The following PPCS variants were observed in gnomAD, a reference collection of about 807,000 sequenced individuals.
The protein encoded by PPCS is phosphopantothenoylcysteine synthetase.
A neutral mutation model predicts 24.6 loss-of-function variants in PPCS; 17 were observed. The observed-to-expected ratio is 0.69, with a 90% CI of 0.47 to 1.04. The LOEUF is 1.04. PPCS is among the 50% of genes least tolerant of loss of function. The pLI is 0.00. For synonymous variants in PPCS, 190 were observed against 168.3 expected (o/e 1.13, Z -1.00); for missense variants, 360 against 402.8 (o/e 0.89, Z 0.91).
chr1:42,456,404 A>G, upstream of PPCS: 1 of 815,456 alleles, frequency 1.2e-6, no homozygotes. Flanking sequence ...TCTGGGGCAG[A>G]ACAACTACGC....
At chr1:42,470,168 T>C (rs1003402874) in intron 2 of PPCS, among the ~76,000 whole-genome samples, 2 of 152,140 alleles carry the variant, frequency 1.3e-5, no homozygotes, top group Admixed American at 1.3e-4. Flanking sequence ...GGCAAACAAG[T>C]GAAGCCAAAG....
At chr1:42,457,379 A>G in intron 2 of PPCS, 29 bp downstream of exon 2, 1 of 1,575,360 alleles carries the variant, frequency 6.3e-7, no homozygotes, top group Non-Finnish European at 8.7e-7. Flanking sequence ...CCAGAGATCT[A>G]ATCCCATATA....
At chr1:42,471,946 TG>T (rs762215568) in intron 2 of PPCS, among the ~76,000 whole-genome samples, 35 of 152,340 alleles carry the variant, frequency 2.3e-4, no homozygotes, top group Non-Finnish European at 4.9e-4. Flanking sequence ...CAATTATGTC[TG>T]TCACTGCAAT....
At chr1:42,458,849 T>G (rs902497116) in intron 2 of PPCS, among the ~76,000 whole-genome samples, 2 of 152,226 alleles carry the variant, frequency 1.3e-5, no homozygotes, top group Non-Finnish European at 2.9e-5. Flanking sequence ...CACTGCTAAG[T>G]TGTGTTACAT....
At chr1:42,470,648 C>T (rs766058118) in intron 2 of PPCS, among the ~76,000 whole-genome samples, 33 of 152,200 alleles carry the variant, frequency 2.2e-4, no homozygotes, top group Non-Finnish European at 3.7e-4. Context: ...TTATGATTAG[C>T]GATACAACAT....
chr1:42,456,734 C>T lies in PPCS; in HGVS notation c.169C>T (p.Leu57=), dbSNP rs1643203751. Residue 57 remains leucine (L), a synonymous_variant, in exon 1 of 3, where the codon CTG becomes TTG. Transcript: ENST00000372561. The part of the protein sequence containing the change: ...VPLEARPVRF[L]DNFSSGRRGA... ...ACTGGAAGCGCGGCCGGTGCGCTTC[C>T]TGGACAACTTCAGCAGCGGGCGGCG... 6.2e-7 allele frequency: 1 copy of T among 1,610,642 alleles called. No individual in the cohort carries two copies. The highest frequency in any genetic ancestry group is 8.5e-7 in the Non-Finnish European group (1 of 1,179,416).
Position 42,473,143 on chromosome 1 carries a change from ATACT to A in PPCS, n.401_404del, listed in dbSNP as rs912203499. On this transcript the variant is annotated non_coding_transcript_exon_variant, in exon 3 of 3. Transcript: ENST00000471420. ...CAAGGGAAAAGTTCAGTTAGAAGAC[ATACT>A]TCACCATCTTGAAAAAGAAGAAATC... The A allele has an allele frequency of 2.4e-5, 30 of 1,229,652 alleles. No individual in the cohort carries two copies. The African/African-American group carries it at 4.3e-4, about 18-fold the overall frequency. The allele number at this position is 1,229,652 out of a possible 1,614,324, so 76.2% of individuals were successfully genotyped here.
intron 2 of PPCS, among the ~76,000 whole-genome samples, chr1:42,466,815 G>A (rs1643603791): frequency 6.6e-6 from 1 of 152,150 alleles, no homozygotes; most frequent in African/African-American, 2.4e-5. Context: ...GCCTCCCAAA[G>A]TGCTGGGATT....
At position 42,460,446 on chromosome 1, in the gene PPCS, T is replaced by C. The variant is rs925308127; in HGVS notation, c.*520T>C. On this transcript the variant is annotated 3_prime_UTR_variant, in exon 3 of 3. Coordinates refer to ENST00000372561, the MANE Select transcript of PPCS (RefSeq NM_024664.4). ...TGTTTTGTTTGAAATTTATCAAATA[T>C]AGTAGTAGGAAAGAAGGATACCTCC... The C allele has an allele frequency of 4.2e-5, 39 of 924,336 alleles. No individual in the cohort carries two copies. The Admixed American group carries it at 1.2e-3, about 28-fold the overall frequency. 57.3% of individuals were successfully genotyped at this position (924,336 alleles called of 1,614,324 possible). A position where few individuals can be genotyped will look rare whatever the true frequency, so the allele number is the denominator to read the frequency against.
intron 2 of PPCS, chr1:42,457,586 C>T (rs1326640124): frequency 1.3e-5 from 7 of 546,498 alleles, no homozygotes; most frequent in Non-Finnish European, 3.3e-6. Context: ...AAAGTGCAGT[C>T]AGATCATGGG....
At position 42,460,861 on chromosome 1, in the gene PPCS, G is replaced by A. The variant is rs1055292746; in HGVS notation, c.*935G>A. ...AGCATCAGTCTGGTGCCTAGCATTT[G>A]ATTCACACTCACTAAATGGTTGCAA... On this transcript the variant is annotated 3_prime_UTR_variant, in exon 3 of 3. Coordinates refer to ENST00000372561, the MANE Select transcript of PPCS (RefSeq NM_024664.4). Among the ~76,000 whole-genome samples the A allele has an allele frequency of 1.3e-5, 2 of 152,244 alleles. No individual in the cohort carries two copies. The highest frequency in any genetic ancestry group is 2.9e-5 in the Non-Finnish European group (2 of 68,048).
chr1:42,471,777 T>G (rs1643777843), intron 2 of PPCS, among the ~76,000 whole-genome samples: 1 of 152,204 alleles, frequency 6.6e-6, no homozygotes, highest in Non-Finnish European at 1.5e-5. Flanking sequence ...TCAGTATGAG[T>G]ATCAGCTGAT....
Position 42,456,728 on chromosome 1 carries a change from C to G in PPCS, c.163C>G (p.Arg55Gly). The change falls in exon 1 of 3, where the codon CGC (arginine) becomes GGC (glycine). Residue 55 changes from arginine to glycine, a missense_variant. This residue lies in a region of PPCS where 244 missense variants were observed against 234.7 expected (regional missense o/e 1.04). Coordinates refer to ENST00000372561, the MANE Select transcript of PPCS (RefSeq NM_024664.4). The stretch of plus-strand genomic sequence containing the variant: ...GGTCCCACTGGAAGCGCGGCCGGTG[C>G]GCTTCCTGGACAACTTCAGCAGCGG... ...TKVPLEARPV[R>G]FLDNFSSGRR... 6.2e-7 allele frequency: 1 copy of G among 1,609,474 alleles called. No homozygotes were observed.
chr1:42,470,549 G>GA (rs1643736000), intron 2 of PPCS, among the ~76,000 whole-genome samples: 1 of 152,178 alleles, frequency 6.6e-6, no homozygotes, highest in Non-Finnish European at 1.5e-5. Flanking sequence ...TTGAAAGGTG[G>GA]AAACAACTCC....
At chr1:42,471,203 G>A (rs764946849) in intron 2 of PPCS, among the ~76,000 whole-genome samples, 6 of 152,026 alleles carry the variant, frequency 3.9e-5, no homozygotes, top group East Asian at 3.9e-4. Context: ...AGCCTGTACC[G>A]TCCTACTGAT....
intron 2 of PPCS, among the ~76,000 whole-genome samples, chr1:42,468,460 T>G (rs887502688): frequency 6.6e-6 from 1 of 152,250 alleles, no homozygotes; most frequent in Non-Finnish European, 1.5e-5. Context: ...TAATTCCATT[T>G]ACACCCATTG....
downstream of PPCS, chr1:42,463,325 A>T (rs1051832233): frequency 6.6e-6 from 1 of 152,252 alleles, no homozygotes; most frequent in African/African-American, 2.4e-5. Context: ...TGCAGCTAGC[A>T]GCTGAGCGCG....
rs757247992 is a variant in PPCS at position 42,460,993 on chromosome 1, C to T, written c.*1067C>T. 3.9e-5 allele frequency among the ~76,000 whole-genome samples: 6 copies of T among 152,272 alleles called. No individual in the cohort carries two copies. Among genetic ancestry groups the T allele is most frequent in the East Asian group, 1.9e-4 (1 of 5,180 alleles). On this transcript the variant is annotated 3_prime_UTR_variant, in exon 3 of 3. Transcript: ENST00000372561. ...TTTCAATACTTCTCTTGCTGTCCTA[C>T]GTTTTGGGTTTGGAGTGCACAAGTA...
chr1:42,457,268 T>G lies in PPCS; in HGVS notation c.530T>G (p.Leu177Arg). Reference protein sequence around the residue: ...NPLGPSAMFYLAAAVSDFYVP... With the variant: ...NPLGPSAMFYRAAAVSDFYVP... ...GCAGGCCCTTCTGCGATGTTTTACCTGGCTGCGGCTGTGTCAGATTTCTAT... is the reference window on the plus strand; with the variant it reads ...GCAGGCCCTTCTGCGATGTTTTACCGGGCTGCGGCTGTGTCAGATTTCTAT... Residue 177 changes from leucine (L) to arginine (R), a missense_variant, in exon 2 of 3, where the codon CTG (leucine) becomes CGG (arginine). Physicochemically the swap from Leu to Arg is moderately radical, Grantham distance 102 (BLOSUM62 -2). Around this residue, in one of 2 missense-constraint regions of PPCS, gnomAD observed 116 missense variants for 168.1 expected, o/e 0.69. Coordinates refer to ENST00000372561, the MANE Select transcript of PPCS (RefSeq NM_024664.4). The G allele has an allele frequency of 6.2e-7, 1 of 1,614,124 alleles. No homozygotes were observed. The highest frequency in any genetic ancestry group is 8.5e-7 in the Non-Finnish European group (1 of 1,180,008).
Sources: gnomAD v4.1 joint callset for allele counts (sites outside exome capture counted in the v4.1 genomes callset) on GRCh38, gnomAD v4.1.1 for gene constraint, gnomAD v4.1.1 regional missense constraint, MANE v1.5 for transcripts, NCBI Gene and HGNC (gene_info 2026-07-23, HGNC 2026-07-21) for gene names.